Variants in HYDIN observed in about 807,000 individuals in gnomAD.
The protein encoded by HYDIN is HYDIN axonemal central pair apparatus protein.
HYDIN carries 132 observed loss-of-function variants against 403.9 expected under a neutral mutation model. The ratio of observed to expected loss-of-function variants is 0.33; its 90% CI spans 0.28 to 0.38. HYDIN has a LOEUF of 0.38. Ranked by LOEUF, HYDIN falls within the 10% of genes least tolerant of loss-of-function variation. HYDIN has a pLI of 1.00. For missense variants in HYDIN, 2,827 were observed against 5,009.5 expected (o/e 0.56, Z 13.15); for synonymous variants, 1,202 against 1,891.7 (o/e 0.64, Z 9.46).
intron 1 of HYDIN, among the ~76,000 whole-genome samples, chr16:71,227,006 A>C (rs143883518): frequency 2.0e-3 from 297 of 152,288 alleles, no homozygotes; most frequent in African/African-American, 7.0e-3. Context: ...TCTGTGCTGT[A>C]AACAATGAGA....
intron 45 of HYDIN, among the ~76,000 whole-genome samples, chr16:70,923,011 G>T (rs1473446087): frequency 6.6e-6 from 1 of 152,052 alleles, no homozygotes; most frequent in Non-Finnish European, 1.5e-5. Context: ...CAAGTGATCT[G>T]CCTGTCTCAG....
intron 3 of HYDIN, among the ~76,000 whole-genome samples, chr16:71,183,206 T>C (rs2086979163): frequency 6.6e-6 from 1 of 151,764 alleles, no homozygotes; most frequent in African/African-American, 2.4e-5. Flanking sequence ...TCTGGTCTGG[T>C]AAAAAATGAA....
intron 43 of HYDIN, among the ~76,000 whole-genome samples, chr16:70,940,709 C>T (rs796268938): frequency 3.9e-5 from 6 of 152,356 alleles, no homozygotes; most frequent in African/African-American, 1.4e-4. Flanking sequence ...AGATTTTTCT[C>T]AGGATGAGAC....
In HYDIN at chr16:71,181,011, A is replaced by G. The variant is rs574774594; in HGVS notation, c.262-1964T>C. ...AAACACATAGAAACAAATCCAATGA[A>G]AGATGTATAAGACCTTTATCCAGAA... On this transcript the variant is annotated intron_variant, in intron 3 of 85. Coordinates refer to ENST00000393567, the MANE Select transcript of HYDIN (RefSeq NM_001270974.2). Among the ~76,000 whole-genome samples, 13 of 152,170 alleles carry G rather than the reference A, an allele frequency of 8.5e-5. No homozygotes were observed. The South Asian group carries it at 2.5e-3, about 29-fold the overall frequency.
chr16:71,082,671 T>C (rs139872043), intron 12 of HYDIN, among the ~76,000 whole-genome samples: 1 of 147,960 alleles, frequency 6.8e-6, no homozygotes. Flanking sequence ...AATCCTATTA[T>C]TCCCAATGGA....
chr16:70,938,279 C>T lies in HYDIN; in HGVS notation c.6995+335G>A, dbSNP rs1348356837. 3.3e-5 allele frequency among the ~76,000 whole-genome samples: 5 copies of T among 152,200 alleles called. No individual in the cohort carries two copies. In the East Asian group the frequency reaches 9.6e-4, roughly 29 times the overall value. On this transcript the variant is annotated intron_variant, in intron 44 of 85. Transcript: ENST00000393567. The stretch of plus-strand genomic sequence containing the variant: ...TGAGCACAGAGGCTGATAAGCCACA[C>T]GCGGGGGTGCTGGTCAGGGGGGGCC...
chr16:71,134,795 A>G (rs1425391167), intron 8 of HYDIN, among the ~76,000 whole-genome samples: 1 of 152,168 alleles, frequency 6.6e-6, no homozygotes, highest in East Asian at 1.9e-4. Flanking sequence ...TTATAATAGG[A>G]AAGTTGTTTG....
chr16:71,009,452 G>T (rs2080003009), intron 23 of HYDIN, among the ~76,000 whole-genome samples: 1 of 150,666 alleles, frequency 6.6e-6, no homozygotes, highest in Admixed American at 6.6e-5. Flanking sequence ...TAATGATATG[G>T]TCATTAATAG....
At chr16:70,934,266 G>A (rs2077435823) in intron 45 of HYDIN, among the ~76,000 whole-genome samples, 1 of 152,094 alleles carries the variant, frequency 6.6e-6, no homozygotes. Flanking sequence ...GCCAGCAAGT[G>A]GAGACAAGCA....
At chr16:71,136,140 A>G (rs1163195839) in intron 8 of HYDIN, among the ~76,000 whole-genome samples, 3 of 135,922 alleles carry the variant, frequency 2.2e-5, no homozygotes, top group Admixed American at 1.5e-4. Context: ...TAAAAGAGGC[A>G]AGCATGGATT....
intron 50 of HYDIN, among the ~76,000 whole-genome samples, chr16:70,905,372 A>T (rs1256324568): frequency 6.6e-6 from 1 of 152,140 alleles, no homozygotes; most frequent in Non-Finnish European, 1.5e-5. Context: ...GGCTTGGCAC[A>T]GTGGCTCACG....
chr16:70,874,764 T>C, intron 63 of HYDIN, 53 bp downstream of exon 63: 19 of 1,562,866 alleles, frequency 1.2e-5, no homozygotes, highest in Non-Finnish European at 1.6e-5. Flanking sequence ...GGTCCCCTAA[T>C]GAAGCAGCTA....
At chr16:70,964,983 A>G (rs1286289668) in intron 36 of HYDIN, 87 bp from the exon 37 acceptor site, 4 of 701,764 alleles carry the variant, frequency 5.7e-6, no homozygotes, top group Non-Finnish European at 9.8e-6. Flanking sequence ...ATTTTATAAA[A>G]CTCCTGCTCC....
At chr16:70,970,885 G>C (rs2078712976) in intron 35 of HYDIN, 126 bp from the exon 36 acceptor site, 2 of 810,248 alleles carry the variant, frequency 2.5e-6, no homozygotes, top group Non-Finnish European at 3.8e-6. Context: ...TTATAAAATT[G>C]CATAAGAGTA....
At chr16:71,176,055 C>T (rs2086656830) in intron 4 of HYDIN, among the ~76,000 whole-genome samples, 1 of 151,808 alleles carries the variant, frequency 6.6e-6, no homozygotes, top group Non-Finnish European at 1.5e-5. Flanking sequence ...CCCGTTATCC[C>T]AGCATTTTGG....
At chr16:71,070,102 A>G (rs2082413743) in intron 13 of HYDIN, among the ~76,000 whole-genome samples, 1 of 152,184 alleles carries the variant, frequency 6.6e-6, no homozygotes, top group Non-Finnish European at 1.5e-5. Flanking sequence ...AGAGCCAGCC[A>G]GAGACTAACA....
chr16:71,056,404 T>C (rs2081895009), intron 18 of HYDIN, among the ~76,000 whole-genome samples: 1 of 149,032 alleles, frequency 6.7e-6, no homozygotes, highest in African/African-American at 2.4e-5. Flanking sequence ...CAGGTGTTTT[T>C]AAAAATCATT....
intron 18 of HYDIN, among the ~76,000 whole-genome samples, chr16:71,043,434 A>G (rs2081350236): frequency 7.2e-6 from 1 of 138,294 alleles, no homozygotes; most frequent in Non-Finnish European, 1.6e-5. Flanking sequence ...AGAACTCCTG[A>G]ACAAACTGCC....
chr16:70,862,323 T>C, intron 68 of HYDIN, 68 bp from the exon 69 acceptor site: 1 of 911,698 alleles, frequency 1.1e-6, no homozygotes, highest in Non-Finnish European at 1.7e-6. Flanking sequence ...GGGAGCCCAC[T>C]TACAGGTCCT....
Sources: allele counts gnomAD v4.1 joint callset (sites outside exome capture counted in the v4.1 genomes callset), GRCh38; gene constraint gnomAD v4.1.1; transcripts MANE v1.5; gene names NCBI Gene and HGNC (gene_info 2026-07-23, HGNC 2026-07-21).